The following KHDRBS2 variants were observed in gnomAD, a reference collection of about 807,000 sequenced individuals.
KHDRBS2 encodes the protein KH domain-containing, RNA-binding, signal transduction-associated protein 2.
Under a neutral mutation model 44.3 loss-of-function variants are expected in KHDRBS2, and 26 were observed. That is an observed-to-expected ratio of 0.59 (90% CI 0.43 to 0.81). The LOEUF (loss-of-function observed/expected upper bound fraction) is 0.81. Among genes scored for constraint, KHDRBS2 ranks in the 40% least tolerant of loss-of-function variants. KHDRBS2 has a pLI of 0.00. For synonymous variants in KHDRBS2, 194 were observed against 151.1 expected, an observed-to-expected ratio of 1.28 and a Z score of -2.08; for missense variants, 476 against 433.1, an observed-to-expected ratio of 1.10 and a Z score of -0.88.
chr6:61,855,624 CTTTGTTTTGTTTTGT>C (rs3076295), intron 6 of KHDRBS2, among the ~76,000 whole-genome samples: 5 of 149,658 alleles, frequency 3.3e-5, no homozygotes, highest in Non-Finnish European at 5.9e-5. Context: ...ATGCCTGGTG[CTTTGTTTTGTTTTGT>C]TTTGTTTTGT....
intron 6 of KHDRBS2, chr6:61,817,078 C>A (rs1237390926): frequency 2.5e-6 from 1 of 404,528 alleles, no homozygotes; most frequent in Non-Finnish European, 5.1e-6. Context: ...TCTAAAAAAA[C>A]TTTCCACAAA....
At chr6:62,170,168 C>CA (rs1819706592) in intron 2 of KHDRBS2, among the ~76,000 whole-genome samples, 1 of 152,010 alleles carries the variant, frequency 6.6e-6, no homozygotes, top group Non-Finnish European at 1.5e-5. Context: ...CACCCACTCC[C>CA]ACAGCACCTA....
chr6:61,845,833 T>C (rs1289547987), intron 6 of KHDRBS2, among the ~76,000 whole-genome samples: 1 of 152,200 alleles, frequency 6.6e-6, no homozygotes, highest in African/African-American at 2.4e-5. Flanking sequence ...GTAACTATCA[T>C]TTCCAGGTGA....
intron 2 of KHDRBS2, among the ~76,000 whole-genome samples, chr6:62,070,684 G>A (rs1409592649): frequency 3.9e-5 from 6 of 152,050 alleles, no homozygotes; most frequent in Non-Finnish European, 7.4e-5. Flanking sequence ...ATTTTTTATG[G>A]CTGCATAGTA....
chr6:61,799,228 A>G (rs960097405), intron 6 of KHDRBS2, among the ~76,000 whole-genome samples: 1 of 152,174 alleles, frequency 6.6e-6, no homozygotes, highest in African/African-American at 2.4e-5. Context: ...GCAGAGATAT[A>G]AGCTACATAA....
At chr6:61,737,800 T>C (rs943029833) in intron 6 of KHDRBS2, among the ~76,000 whole-genome samples, 1 of 151,926 alleles carries the variant, frequency 6.6e-6, no homozygotes, top group African/African-American at 2.4e-5. Context: ...TAGGGAAGAG[T>C]AAAGGTAGAA....
At chr6:62,093,993 T>C (rs945853798) in intron 2 of KHDRBS2, among the ~76,000 whole-genome samples, 2 of 151,818 alleles carry the variant, frequency 1.3e-5, no homozygotes, top group African/African-American at 4.8e-5. Context: ...AACATGAGAG[T>C]GCAGATATCT....
chr6:61,865,144 T>A (rs906036892), intron 6 of KHDRBS2, among the ~76,000 whole-genome samples: 2 of 152,172 alleles, frequency 1.3e-5, no homozygotes, highest in African/African-American at 4.8e-5. Flanking sequence ...CTCTTTATAC[T>A]CACTGTTTTG....
chr6:61,647,794 C>T, the KHDRBS2 span, among the ~76,000 whole-genome samples: 1 of 152,046 alleles, frequency 6.6e-6, no homozygotes, highest in African/African-American at 2.4e-5. Context: ...TGCATTCCAG[C>T]TATTTATTTT....
chr6:61,961,356 T>C (rs1768665979), intron 4 of KHDRBS2, among the ~76,000 whole-genome samples: 1 of 146,714 alleles, frequency 6.8e-6, no homozygotes, highest in Non-Finnish European at 1.5e-5. Flanking sequence ...GTTTAGAAGG[T>C]GATGAGTGTG....
Position 62,175,418 on chromosome 6 carries a change from G to A in KHDRBS2, c.219+1767C>T, listed in dbSNP as rs547896099. On this transcript the variant is annotated intron_variant, in intron 2 of 8. Coordinates refer to ENST00000281156, the MANE Select transcript of KHDRBS2 (RefSeq NM_152688.4). ...CATGAAAAAGTAATGCAAATATGTG[G>A]GCATGATCAGTCAAGTTAAAAATGT... Among the ~76,000 whole-genome samples the A allele has an allele frequency of 5.9e-5, 9 of 151,344 alleles. No homozygotes were observed. In the South Asian group the frequency reaches 1.9e-3, roughly 31 times the overall value.
Position 61,928,021 on chromosome 6 carries a change from G to A in KHDRBS2, c.484-26650C>T, listed in dbSNP as rs565087765. The stretch of plus-strand genomic sequence containing the variant: ...ACACAGTATCTTTGAAAGATATGAA[G>A]TATTTTTCTGGTGGTCAGAGGAAAT... On this transcript the variant is annotated intron_variant, in intron 4 of 8. Coordinates refer to ENST00000281156, the MANE Select transcript of KHDRBS2 (RefSeq NM_152688.4). Among the ~76,000 whole-genome samples the A allele has an allele frequency of 1.5e-3, 235 of 152,210 alleles. 7 individuals carry two copies. In the South Asian group the frequency reaches 0.045, roughly 29 times the overall value.
At chr6:61,609,938 C>T in the KHDRBS2 span, among the ~76,000 whole-genome samples, 3 of 152,244 alleles carry the variant, frequency 2.0e-5, no homozygotes, top group Middle Eastern at 0.01. Flanking sequence ...TTTTGGGAGG[C>T]CAAGGCGGGA....
At chr6:62,128,319 G>A (rs1399195305) in intron 2 of KHDRBS2, among the ~76,000 whole-genome samples, 1 of 152,090 alleles carries the variant, frequency 6.6e-6, no homozygotes, top group Non-Finnish European at 1.5e-5. Flanking sequence ...GAGAGTTCCT[G>A]TGATTGGATA....
intron 2 of KHDRBS2, among the ~76,000 whole-genome samples, chr6:62,175,900 T>C (rs530352338): frequency 4.6e-5 from 7 of 151,536 alleles, no homozygotes; most frequent in African/African-American, 7.2e-5. Flanking sequence ...TCAGAGACTA[T>C]AGAACTACAT....
At chr6:62,062,317 G>T (rs1264979511) in intron 2 of KHDRBS2, among the ~76,000 whole-genome samples, 1 of 144,002 alleles carries the variant, frequency 6.9e-6, no homozygotes, top group South Asian at 2.3e-4. Context: ...CAAATCAACA[G>T]AATATACATT....
intron 3 of KHDRBS2, among the ~76,000 whole-genome samples, chr6:62,006,250 T>C (rs1303109087): frequency 2.0e-5 from 3 of 151,872 alleles, no homozygotes; most frequent in Non-Finnish European, 2.9e-5. Flanking sequence ...AAGGCAACAA[T>C]GGAAGACAAA....
chr6:62,245,453 G>C (rs1021563607), intron 1 of KHDRBS2, among the ~76,000 whole-genome samples: 1 of 152,048 alleles, frequency 6.6e-6, no homozygotes, highest in Admixed American at 6.6e-5. Flanking sequence ...AATTATGTTT[G>C]ATTTTCTTTC....
intron 1 of KHDRBS2, among the ~76,000 whole-genome samples, chr6:62,249,637 A>G (rs1836191755): frequency 6.6e-6 from 1 of 152,052 alleles, no homozygotes; most frequent in East Asian, 1.9e-4. Flanking sequence ...TTTACCTCCT[A>G]TAGTTTGTGG....
Sources: gnomAD v4.1 joint callset for allele counts (sites outside exome capture counted in the v4.1 genomes callset) on GRCh38, gnomAD v4.1.1 for gene constraint, MANE v1.5 for transcripts, NCBI Gene and HGNC (gene_info 2026-07-23, HGNC 2026-07-21) for gene names.